Variants in TASP1 observed in about 807,000 individuals in gnomAD.
TASP1 encodes the protein taspase 1, also known as threonine aspartase 1.
In TASP1, 16 loss-of-function variants were observed where a neutral mutation model predicts 56.6. The observed-to-expected ratio is 0.28, with a 90% CI of 0.19 to 0.43. The LOEUF (loss-of-function observed/expected upper bound fraction) is 0.43. Ranked by LOEUF, TASP1 falls within the 20% of genes least tolerant of loss-of-function variation. The probability of loss-of-function intolerance (pLI) is 1.00; values close to 1 mark genes in which losing one functional copy is unlikely to be tolerated. For synonymous variants in TASP1, 179 were observed against 184.2 expected (o/e 0.97, Z 0.23); for missense variants, 393 against 511.6 (o/e 0.77, Z 2.24).
chr20:13,377,254 C>T, the TASP1 span, among the ~76,000 whole-genome samples: 14 of 152,260 alleles, frequency 9.2e-5, no homozygotes, highest in African/African-American at 2.6e-4. Flanking sequence ...TCCATCGATA[C>T]CTAGTTTATT....
the TASP1 span, among the ~76,000 whole-genome samples, chr20:13,343,406 T>C: frequency 6.6e-6 from 1 of 152,212 alleles, no homozygotes; most frequent in Admixed American, 6.5e-5. Flanking sequence ...CTGAGTTCAG[T>C]TCTCACCCAT....
chr20:13,239,646 A>T, the TASP1 span: 2 of 152,232 alleles, frequency 1.3e-5, no homozygotes, highest in South Asian at 2.1e-4. Context: ...CCGGGGCTTC[A>T]TCTGTGCTCC....
At chr20:13,607,603 G>A (rs866456295) in intron 4 of TASP1, among the ~76,000 whole-genome samples, 5 of 151,978 alleles carry the variant, frequency 3.3e-5, no homozygotes, top group South Asian at 2.1e-4. Context: ...TTCCTTTAAC[G>A]AGAAGTCAGA....
chr20:13,118,448 G>GAAAAAAAAA, the TASP1 span, among the ~76,000 whole-genome samples: 73 of 108,688 alleles, frequency 6.7e-4, no homozygotes, highest in Non-Finnish European at 9.5e-4. Context: ...AGAGGTTTGT[G>GAAAAAAAAA]GAAAAAAAAA....
the TASP1 span, among the ~76,000 whole-genome samples, chr20:13,247,039 C>G: frequency 6.6e-6 from 1 of 151,982 alleles, no homozygotes; most frequent in Non-Finnish European, 1.5e-5. Flanking sequence ...AGTTAGAGAC[C>G]AGTCTGGCCA....
the TASP1 span, among the ~76,000 whole-genome samples, chr20:13,157,198 G>T: frequency 6.6e-6 from 1 of 151,548 alleles, no homozygotes; most frequent in South Asian, 2.1e-4. Context: ...AACACTTTAG[G>T]AGGCTGAGGC....
At chr20:13,114,054 A>G in the TASP1 span, among the ~76,000 whole-genome samples, 1 of 152,228 alleles carries the variant, frequency 6.6e-6, no homozygotes, top group Non-Finnish European at 1.5e-5. Flanking sequence ...GATTAAAACC[A>G]GGTGGCCCTG....
chr20:13,409,591 AT>A lies in TASP1; in HGVS notation c.1170+7856del, dbSNP rs2042030569. Among the ~76,000 whole-genome samples, 3 of 151,542 alleles carry A rather than the reference AT, an allele frequency of 2.0e-5. No homozygotes were observed. In the South Asian group the frequency reaches 6.3e-4, roughly 32 times the overall value. Reference sequence around the variant, plus strand: ...TTTATCTCATTTAACTTTTTCTATTATTTTTCATCCTTCCTGGGTTTGAAAT... The same window carrying A: ...TTTATCTCATTTAACTTTTTCTATTATTTTCATCCTTCCTGGGTTTGAAAT... On this transcript the variant is annotated intron_variant, in intron 13 of 13. Coordinates refer to ENST00000337743, the MANE Select transcript of TASP1 (RefSeq NM_017714.3).
chr20:13,610,899 G>A (rs1334861663), intron 4 of TASP1, among the ~76,000 whole-genome samples: 2 of 152,132 alleles, frequency 1.3e-5, no homozygotes, highest in Non-Finnish European at 2.9e-5. Context: ...AACCACATCT[G>A]GAGGGGGCTT....
intron 5 of TASP1, among the ~76,000 whole-genome samples, chr20:13,585,419 C>G (rs1251926114): frequency 6.6e-6 from 1 of 152,090 alleles, no homozygotes; most frequent in African/African-American, 2.4e-5. Flanking sequence ...AAACCATAGA[C>G]TGGGAGAAGA....
intron 10 of TASP1, among the ~76,000 whole-genome samples, chr20:13,526,397 T>C (rs1051664083): frequency 2.0e-5 from 3 of 152,182 alleles, no homozygotes. Context: ...GAATTAGTCT[T>C]TGCTTTGTTC....
At chr20:13,154,725 TG>T in the TASP1 span, among the ~76,000 whole-genome samples, 2 of 152,170 alleles carry the variant, frequency 1.3e-5, no homozygotes, top group Non-Finnish European at 2.9e-5. Flanking sequence ...TGAACCTGTT[TG>T]GGGGTTGTTT....
chr20:13,274,857 C>T, the TASP1 span, among the ~76,000 whole-genome samples: 4 of 152,090 alleles, frequency 2.6e-5, no homozygotes, highest in Non-Finnish European at 4.4e-5. Flanking sequence ...GAAGAAAATG[C>T]GCAAAATAGA....
intron 10 of TASP1, among the ~76,000 whole-genome samples, chr20:13,509,124 AGTGTGTGTGTGTGT>A (rs71334125): frequency 2.1e-5 from 3 of 142,874 alleles, no homozygotes; most frequent in South Asian, 2.3e-4. Context: ...GAATGAAGAA[AGTGTGTGTGTGTGT>A]GTGTGTGTGT....
At chr20:13,186,454 G>C in the TASP1 span, among the ~76,000 whole-genome samples, 4 of 152,152 alleles carry the variant, frequency 2.6e-5, no homozygotes, top group Non-Finnish European at 4.4e-5. Context: ...GACTGGGAAT[G>C]CTGAAACCAG....
chr20:13,117,500 C>T, the TASP1 span: 5 of 1,572,506 alleles, frequency 3.2e-6, no homozygotes, highest in East Asian at 1.1e-4. Flanking sequence ...TCTCCTTCTG[C>T]CCTAGCATGG....
chr20:13,543,436 T>A (rs1454903026), intron 8 of TASP1, among the ~76,000 whole-genome samples: 3 of 152,092 alleles, frequency 2.0e-5, no homozygotes, highest in Admixed American at 1.3e-4. Flanking sequence ...CCATCTCTAC[T>A]AAAAATATTT....
At chr20:13,344,009 A>AGTCC in the TASP1 span, among the ~76,000 whole-genome samples, 2 of 152,046 alleles carry the variant, frequency 1.3e-5, no homozygotes, top group Admixed American at 1.3e-4. Context: ...TCTCACTGGT[A>AGTCC]GTCCCTCTGC....
chr20:13,530,583 A>G (rs6042202), intron 9 of TASP1, among the ~76,000 whole-genome samples: 2 of 152,352 alleles, frequency 1.3e-5, no homozygotes, highest in East Asian at 1.9e-4. Context: ...TAACATGACC[A>G]GTAGCCTGCA....
Sources: gnomAD v4.1 joint callset for allele counts (sites outside exome capture counted in the v4.1 genomes callset) on GRCh38, gnomAD v4.1.1 for gene constraint, MANE v1.5 for transcripts, NCBI Gene and HGNC (gene_info 2026-07-23, HGNC 2026-07-21) for gene names.